Variants in OTOA observed in about 807,000 individuals in gnomAD.
OTOA encodes otoancorin.
OTOA carries 70 observed loss-of-function variants against 110.8 expected under a neutral mutation model. That is an observed-to-expected ratio of 0.63 (90% confidence interval 0.52 to 0.77). OTOA has a LOEUF of 0.77. Ranked by LOEUF, OTOA falls within the 30% of genes least tolerant of loss-of-function variation. The pLI, the probability that OTOA is intolerant of heterozygous loss-of-function variation, is 0.00. For missense variants in OTOA, 917 were observed against 1,075.8 expected (o/e 0.85, Z 2.06); for synonymous variants, 373 against 431.5 (o/e 0.86, Z 1.68).
Position 21,701,007 on chromosome 16 carries a change from GAA to G in OTOA, c.961_962del (p.Asn321TyrfsTer16). 1 of 1,614,164 alleles carries G rather than the reference GAA, an allele frequency of 6.2e-7. No individual in the cohort carries two copies. The highest frequency in any genetic ancestry group is 8.5e-7 in the Non-Finnish European group (1 of 1,180,032). Reference sequence around the variant, plus strand: ...TCAGCTCCTCCAACTTTAACATGAGGAATACCTCCACCATCCACAGGCAAGCG... The same window carrying G: ...TCAGCTCCTCCAACTTTAACATGAGGTACCTCCACCATCCACAGGCAAGCG... ...RISSSNFNMR[N>X]TSTIHRLGLL... is the part of the protein sequence containing the mutation. On this transcript the variant is annotated frameshift_variant, in exon 11 of 29. Transcript: ENST00000646100. LOFTEE classifies it high-confidence loss of function.
In OTOA at chr16:21,693,271, G is replaced by GCAAA. The variant is rs543653418; in HGVS notation, c.739+1605_739+1608dup. ...GTAGTGAGACCTTGTCGCAAAACAA[G>GCAAA]CAAACAAACAAACAAACAAACAAAA... On this transcript the variant is annotated intron_variant, in intron 9 of 28. Transcript: ENST00000646100. 1.3e-3 allele frequency among the ~76,000 whole-genome samples: 200 copies of GCAAA among 152,062 alleles called. 3 individuals carry two copies. The highest frequency in any genetic ancestry group is 4.3e-3 in the Admixed American group (65 of 15,254).
Position 21,730,872 on chromosome 16 carries a change from A to G in OTOA, c.2243A>G (p.Asp748Gly). The G allele has an allele frequency of 1.3e-6, 2 of 1,577,668 alleles. No homozygotes were observed. The highest frequency in any genetic ancestry group is 1.7e-6 in the Non-Finnish European group (2 of 1,152,918). ...PQHWTAETTK[D>G]LGPFLVLFSG... ...CACTGGACAGCCGAGACCACGAAGG[A>G]CTTGGGACCCTTTCTAGTACTTTTC... The change falls in exon 21 of 29, where the codon GAC becomes GGC. Residue 748 changes from aspartate to glycine, a missense_variant. Transcript: ENST00000646100.
At chr16:21,718,094 A>C (rs541674876) in intron 15 of OTOA, among the ~76,000 whole-genome samples, 4 of 152,166 alleles carry the variant, frequency 2.6e-5, no homozygotes, top group African/African-American at 9.6e-5. Flanking sequence ...AGTAGCTGGG[A>C]TTACAGGCAC....
intron 21 of OTOA, among the ~76,000 whole-genome samples, chr16:21,734,329 G>A (rs919013980): frequency 5.4e-5 from 8 of 149,498 alleles, no homozygotes; most frequent in East Asian, 2.0e-4. Flanking sequence ...ATGAGAACAC[G>A]TTGTCACATA....
intron 12 of OTOA, 49 bp downstream of exon 12, chr16:21,705,341 C>T (rs1476976990): frequency 6.2e-7 from 1 of 1,612,320 alleles, no homozygotes; most frequent in Non-Finnish European, 8.5e-7. Flanking sequence ...GTGTCACTAG[C>T]CAGAGAAATG....
At chr16:21,695,880 TA>T (rs1897922954) in intron 9 of OTOA, among the ~76,000 whole-genome samples, 4 of 44,864 alleles carry the variant, frequency 8.9e-5, no homozygotes, top group African/African-American at 4.6e-4. Context: ...TATATATATA[TA>T]TATATATATA....
intron 14 of OTOA, among the ~76,000 whole-genome samples, chr16:21,715,646 G>C (rs2141698697): frequency 6.6e-6 from 1 of 151,822 alleles, no homozygotes; most frequent in Non-Finnish European, 1.5e-5. Flanking sequence ...GCGCAGGCTA[G>C]TCTCAAACTC....
At chr16:21,700,824 G>A in intron 10 of OTOA, 64 bp from the exon 11 acceptor site, 1 of 1,602,844 alleles carries the variant, frequency 6.2e-7, no homozygotes, top group East Asian at 2.2e-5. Context: ...GACCACCAGG[G>A]TGGGGCCACA....
chr16:21,728,690 G>C lies in OTOA; in HGVS notation c.2207+259G>C, dbSNP rs557970044. On this transcript the variant is annotated intron_variant, in intron 20 of 28. Coordinates refer to ENST00000646100, the MANE Select transcript of OTOA (RefSeq NM_144672.4). The stretch of plus-strand genomic sequence containing the variant: ...TGCAACTTCTGACTCCCTGGTTCAA[G>C]CGATTCTCCTGCCTCAGCCTCCCGA... 1.8e-4 allele frequency among the ~76,000 whole-genome samples: 28 copies of C among 151,814 alleles called. 1 individual carries two copies. The East Asian group carries it at 5.5e-3, about 30-fold the overall frequency.
intron 8 of OTOA, among the ~76,000 whole-genome samples, chr16:21,688,882 G>T (rs933365904): frequency 1.3e-5 from 2 of 152,124 alleles, no homozygotes; most frequent in Non-Finnish European, 2.9e-5. Context: ...TCTGAGCCTG[G>T]GTCTTGTTCC....
chr16:21,758,927 TG>T (rs1900079984), intron 28 of OTOA, among the ~76,000 whole-genome samples: 2 of 151,694 alleles, frequency 1.3e-5, no homozygotes, highest in African/African-American at 2.4e-5. Context: ...GCTTGAACAC[TG>T]GGGGCAGAGG....
intron 12 of OTOA, 96 bp from the exon 13 acceptor site, chr16:21,709,792 G>A: frequency 9.4e-7 from 1 of 1,068,778 alleles, no homozygotes; most frequent in Non-Finnish European, 1.4e-6. Flanking sequence ...CAGGGTCAAG[G>A]GAGGTGCTGT....
At chr16:21,677,047 T>G (rs1437283672) in intron 1 of OTOA, among the ~76,000 whole-genome samples, 1 of 152,224 alleles carries the variant, frequency 6.6e-6, no homozygotes, top group Non-Finnish European at 1.5e-5. Flanking sequence ...GATGAATTTC[T>G]TTTTATTGTT....
At chr16:21,677,422 C>T (rs901819319) in intron 1 of OTOA, among the ~76,000 whole-genome samples, 8 of 149,746 alleles carry the variant, frequency 5.3e-5, no homozygotes, top group Non-Finnish European at 1.0e-4. Context: ...ATGTGATAAT[C>T]ATTTGTGTGC....
chr16:21,737,097 G>A (rs1899332799), intron 22 of OTOA, among the ~76,000 whole-genome samples: 2 of 152,402 alleles, frequency 1.3e-5, no homozygotes, highest in Admixed American at 1.3e-4. Flanking sequence ...TATCAAATGG[G>A]GATAATGAAA....
At chr16:21,706,873 T>TCCAGC (rs1324403449) in intron 12 of OTOA, among the ~76,000 whole-genome samples, 1 of 150,534 alleles carries the variant, frequency 6.6e-6, no homozygotes, top group Non-Finnish European at 1.5e-5. Flanking sequence ...TGAGTTTCAT[T>TCCAGC]CTGTCACCCA....
chr16:21,684,357 G>A, intron 6 of OTOA: 1 of 1,399,198 alleles, frequency 7.1e-7, no homozygotes, highest in East Asian at 2.7e-5. Context: ...AGACAGCAGA[G>A]GAAATCTCTT....
At chr16:21,684,404 A>AG (rs1329434697) in intron 6 of OTOA, 11 of 1,499,530 alleles carry the variant, frequency 7.3e-6, no homozygotes, top group African/African-American at 1.4e-5. Flanking sequence ...CTTGCCCTGT[A>AG]GGGGGCGCCA....
chr16:21,721,232 TACACACACACAC>T (rs35961471), intron 17 of OTOA: 221 of 372,484 alleles, frequency 5.9e-4, no homozygotes, highest in East Asian at 3.4e-3. Context: ...ACATAATTAT[TACACACACACAC>T]ACACACACAC....
Sources: allele counts gnomAD v4.1 joint callset (sites outside exome capture counted in the v4.1 genomes callset), GRCh38; gene constraint gnomAD v4.1.1; transcripts MANE v1.5; gene names NCBI Gene and HGNC (gene_info 2026-07-23, HGNC 2026-07-21).